The following KDM4C variants were observed in gnomAD, a reference collection of about 807,000 sequenced individuals.
KDM4C encodes lysine demethylase 4C.
In KDM4C, 81 loss-of-function variants were observed where a neutral mutation model predicts 129.3. That is an observed-to-expected ratio of 0.63 (90% confidence interval 0.52 to 0.75). The LOEUF (loss-of-function observed/expected upper bound fraction) is 0.75. Among genes scored for constraint, KDM4C ranks in the 30% least tolerant of loss-of-function variants. The pLI, the probability that KDM4C is intolerant of heterozygous loss-of-function variation, is 0.00. For synonymous variants in KDM4C, 573 were observed against 456.1 expected (o/e 1.26, Z -3.26); for missense variants, 1,457 against 1,304.0 (o/e 1.12, Z -1.81).
At chr9:6,946,840 T>C (rs1827063384) in intron 8 of KDM4C, among the ~76,000 whole-genome samples, 1 of 151,818 alleles carries the variant, frequency 6.6e-6, no homozygotes, top group Non-Finnish European at 1.5e-5. Flanking sequence ...TTCTAAAACA[T>C]TATTTTTTGT....
chr9:7,079,696 C>G (rs200539184), intron 17 of KDM4C, among the ~76,000 whole-genome samples: 1 of 152,110 alleles, frequency 6.6e-6, no homozygotes, highest in South Asian at 2.1e-4. Context: ...TCTGCATAGT[C>G]GAATTCTGTG....
intron 1 of KDM4C, among the ~76,000 whole-genome samples, chr9:6,749,173 C>A (rs1052303034): frequency 2.6e-5 from 4 of 152,202 alleles, no homozygotes; most frequent in South Asian, 2.1e-4. Context: ...GCATGCACCA[C>A]CACGCCCGGC....
At chr9:6,940,796 T>G (rs917372354) in intron 8 of KDM4C, among the ~76,000 whole-genome samples, 2 of 152,240 alleles carry the variant, frequency 1.3e-5, no homozygotes. Flanking sequence ...TCATTATCAT[T>G]TTCATTTAAT....
intron 9 of KDM4C, among the ~76,000 whole-genome samples, chr9:6,981,397 T>G (rs942288621): frequency 1.3e-5 from 2 of 152,336 alleles, no homozygotes; most frequent in African/African-American, 4.8e-5. Context: ...ATGTGTTTTA[T>G]GGTTGTATTA....
intron 3 of KDM4C, among the ~76,000 whole-genome samples, chr9:6,814,259 A>G (rs1441308680): frequency 6.6e-6 from 1 of 152,092 alleles, no homozygotes; most frequent in Non-Finnish European, 1.5e-5. Flanking sequence ...ATTGTTTGTC[A>G]GTGTTTCTCT....
At chr9:6,824,924 A>T (rs983311500) in intron 4 of KDM4C, among the ~76,000 whole-genome samples, 2 of 152,018 alleles carry the variant, frequency 1.3e-5, no homozygotes, top group Non-Finnish European at 2.9e-5. Flanking sequence ...CGGGTGGATC[A>T]CCTGAGGTCA....
chr9:6,737,260 GA>G (rs1382155054), intron 1 of KDM4C, among the ~76,000 whole-genome samples: 3 of 151,856 alleles, frequency 2.0e-5, no homozygotes, highest in Admixed American at 2.0e-4. Context: ...TACAGACTGG[GA>G]AAAAATATTT....
chr9:6,936,856 C>A (rs1015632863), intron 8 of KDM4C, among the ~76,000 whole-genome samples: 1 of 152,134 alleles, frequency 6.6e-6, no homozygotes, highest in African/African-American at 2.4e-5. Flanking sequence ...GGTAATAAGA[C>A]CTCCCCTACA....
chr9:6,782,008 A>G (rs1212910060), intron 1 of KDM4C, among the ~76,000 whole-genome samples: 3 of 151,958 alleles, frequency 2.0e-5, no homozygotes, highest in Non-Finnish European at 4.4e-5. Context: ...TGCTTTTAGT[A>G]GAGACAGGGT....
intron 8 of KDM4C, among the ~76,000 whole-genome samples, chr9:6,975,618 A>G (rs532016022): frequency 6.6e-6 from 1 of 152,278 alleles, no homozygotes; most frequent in African/African-American, 2.4e-5. Flanking sequence ...CTTATTCTCT[A>G]GGCACCTAGA....
At chr9:6,852,592 C>A (rs1398667335) in intron 5 of KDM4C, among the ~76,000 whole-genome samples, 2 of 152,210 alleles carry the variant, frequency 1.3e-5, no homozygotes, top group Non-Finnish European at 2.9e-5. Flanking sequence ...CCTTGTTGAG[C>A]TGTATCTCCC....
chr9:7,136,126 C>G (rs1237578343), intron 19 of KDM4C, among the ~76,000 whole-genome samples: 1 of 152,130 alleles, frequency 6.6e-6, no homozygotes, highest in Non-Finnish European at 1.5e-5. Flanking sequence ...TTTGTGTATT[C>G]TAGATACAAG....
chr9:6,762,160 A>C (rs894465573), intron 1 of KDM4C, among the ~76,000 whole-genome samples: 3 of 152,116 alleles, frequency 2.0e-5, no homozygotes, highest in Non-Finnish European at 4.4e-5. Context: ...CAGGTTTGTT[A>C]CATAGGTATA....
intron 19 of KDM4C, among the ~76,000 whole-genome samples, chr9:7,147,969 G>A (rs956741514): frequency 1.2e-4 from 18 of 152,286 alleles, no homozygotes; most frequent in East Asian, 5.8e-4. Context: ...CTACTGGCCC[G>A]GATCCCGTGC....
intron 1 of KDM4C, among the ~76,000 whole-genome samples, chr9:6,772,508 T>C (rs1822077242): frequency 6.6e-6 from 1 of 152,056 alleles, no homozygotes; most frequent in Non-Finnish European, 1.5e-5. Flanking sequence ...ATTACAGGCA[T>C]GCACCACCAC....
rs1029579306 is a variant in KDM4C, at chr9:6,780,761, T to C, written c.-17-12211T>C. On this transcript the variant is annotated intron_variant, in intron 1 of 21. Coordinates refer to ENST00000381309, the MANE Select transcript of KDM4C (RefSeq NM_015061.6). ...CCAGCCTGGGCAACAAGAGTGAAACTCCCTCTCAAAAAAAAAAAAAAAAAA... is the reference window on the plus strand; with the variant it reads ...CCAGCCTGGGCAACAAGAGTGAAACCCCCTCTCAAAAAAAAAAAAAAAAAA... Among the ~76,000 whole-genome samples, 118 of 52,986 alleles carry C rather than the reference T, an allele frequency of 2.2e-3. 1 individual carries two copies. The highest frequency in any genetic ancestry group is 9.1e-3 in the African/African-American group (116 of 12,682). The allele number at this position is 52,986 out of a possible 152,430, so 34.8% of individuals were successfully genotyped here. A position where few individuals can be genotyped will look rare whatever the true frequency, so the allele number is the denominator to read the frequency against.
rs186662944 is a variant in KDM4C at position 6,953,203 on chromosome 9, C to T, written c.922-27722C>T. Among the ~76,000 whole-genome samples, 3 of 152,328 alleles carry T rather than the reference C, an allele frequency of 2.0e-5. No individual in the cohort carries two copies. The East Asian group carries it at 5.8e-4, about 29-fold the overall frequency. On this transcript the variant is annotated intron_variant, in intron 8 of 21. Transcript: ENST00000381309. ...GATATTTATTATGAAAAGCATCAGA[C>T]ATCTCCCTTTCACTCAAACAAGACA...
intron 4 of KDM4C, among the ~76,000 whole-genome samples, chr9:6,828,591 C>T (rs1834278097): frequency 6.6e-6 from 1 of 152,060 alleles, no homozygotes; most frequent in African/African-American, 2.4e-5. Context: ...TGGGGTGGGG[C>T]CAGGTGCGGT....
chr9:6,763,993 A>G (rs1292528604), intron 1 of KDM4C, among the ~76,000 whole-genome samples: 1 of 152,194 alleles, frequency 6.6e-6, no homozygotes, highest in African/African-American at 2.4e-5. Flanking sequence ...TCCCAACCTC[A>G]GGTGATCCAT....
Sources: gnomAD v4.1 joint callset for allele counts (sites outside exome capture counted in the v4.1 genomes callset) on GRCh38, gnomAD v4.1.1 for gene constraint, MANE v1.5 for transcripts, NCBI Gene and HGNC (gene_info 2026-07-23, HGNC 2026-07-21) for gene names.